DOCK1: variants seen among roughly 807,000 people sequenced by gnomAD.
DOCK1 encodes the protein dedicator of cytokinesis protein 1.
In DOCK1, 138 loss-of-function variants were observed where a neutral mutation model predicts 262.7. The observed-to-expected ratio is 0.53, with a 90% confidence interval of 0.46 to 0.61. The LOEUF (loss-of-function observed/expected upper bound fraction) is 0.61, where lower values mean the gene tolerates loss of function less well. Ranked by LOEUF, DOCK1 falls within the 20% of genes least tolerant of loss-of-function variation. The probability of loss-of-function intolerance (pLI) is 0.00; values close to 1 mark genes in which losing one functional copy is unlikely to be tolerated. For missense variants in DOCK1, 1,908 were observed against 2,370.7 expected, an observed-to-expected ratio of 0.80 and a Z score of 4.05; for synonymous variants, 866 against 867.4, an observed-to-expected ratio of 1.00 and a Z score of 0.03.
intron 23 of DOCK1, among the ~76,000 whole-genome samples, chr10:127,095,321 C>G (rs1270712380): frequency 6.6e-6 from 1 of 152,208 alleles, no homozygotes; most frequent in African/African-American, 2.4e-5. Flanking sequence ...GGCTTCTACT[C>G]TGACCCTTCC....
At chr10:126,998,329 A>C in intron 8 of DOCK1, 80 bp downstream of exon 8, 1 of 1,573,832 alleles carries the variant, frequency 6.4e-7, no homozygotes, top group Non-Finnish European at 8.7e-7. Flanking sequence ...GAAGCGTCCC[A>C]TTCATGCTGA....
At chr10:127,066,266 GTCTTC>G (rs2045867299) in intron 23 of DOCK1, among the ~76,000 whole-genome samples, 1 of 145,818 alleles carries the variant, frequency 6.9e-6, no homozygotes, top group South Asian at 2.4e-4. Context: ...CCCTTCTGCT[GTCTTC>G]TCTTCTCTGT....
At chr10:127,151,799 C>T (rs369035430) in intron 27 of DOCK1, among the ~76,000 whole-genome samples, 1 of 152,296 alleles carries the variant, frequency 6.6e-6, no homozygotes, top group East Asian at 1.9e-4. Context: ...GTTCTTCTAG[C>T]AAGTGGACCA....
At chr10:127,026,450 C>T (rs995692108) in intron 16 of DOCK1, 26 bp downstream of exon 16, 5 of 1,561,580 alleles carry the variant, frequency 3.2e-6, no homozygotes, top group Non-Finnish European at 4.3e-6. Flanking sequence ...CTTTCTTCCC[C>T]CAAGTATTTT....
At chr10:126,917,784 T>G (rs1293904376) in intron 1 of DOCK1, among the ~76,000 whole-genome samples, 1 of 150,638 alleles carries the variant, frequency 6.6e-6, no homozygotes, top group East Asian at 2.0e-4. Context: ...AGGAGGAGAG[T>G]GGGGAGGAGA....
chr10:126,982,143 T>C (rs952198960), intron 4 of DOCK1, among the ~76,000 whole-genome samples, 170 bp downstream of exon 4: 2 of 152,156 alleles, frequency 1.3e-5, no homozygotes, highest in Non-Finnish European at 2.9e-5. Context: ...GAGTTGTGTT[T>C]AACATGGCTT....
intron 23 of DOCK1, among the ~76,000 whole-genome samples, chr10:127,102,967 C>A (rs2048335223): frequency 6.6e-6 from 1 of 152,214 alleles, no homozygotes; most frequent in Non-Finnish European, 1.5e-5. Flanking sequence ...ATTCCCCTGC[C>A]CGCTTCCCCA....
intron 30 of DOCK1, among the ~76,000 whole-genome samples, chr10:127,339,504 G>A (rs560168209): frequency 4.3e-4 from 66 of 152,166 alleles, no homozygotes; most frequent in African/African-American, 1.5e-3. Context: ...ATCCTCTCTC[G>A]GCCTTGTGCT....
At chr10:127,418,876 C>T (rs1266444533) in intron 45 of DOCK1, among the ~76,000 whole-genome samples, 1 of 152,182 alleles carries the variant, frequency 6.6e-6, no homozygotes, top group Non-Finnish European at 1.5e-5. Context: ...ACAAAAACAC[C>T]AGAATATCAG....
intron 23 of DOCK1, among the ~76,000 whole-genome samples, chr10:127,093,257 T>TC (rs2047686926): frequency 8.0e-6 from 1 of 124,682 alleles, no homozygotes; most frequent in African/African-American, 3.3e-5. Context: ...TTTTTTTTTT[T>TC]TTTTTGGAGA....
chr10:127,198,540 A>C (rs1270669940), intron 27 of DOCK1, among the ~76,000 whole-genome samples: 1 of 152,212 alleles, frequency 6.6e-6, no homozygotes, highest in East Asian at 1.9e-4. Flanking sequence ...AACAGCTCCA[A>C]GGACAGTGCT....
rs1400361395 is a variant in DOCK1, at chr10:126,938,836, G to A, written c.47-31866G>A. Among the ~76,000 whole-genome samples the A allele has an allele frequency of 4.8e-3, 601 of 126,002 alleles. 6 individuals are homozygous for A. Among genetic ancestry groups the A allele is most frequent in the African/African-American group, 0.02 (575 of 28,844 alleles). 82.7% of individuals were successfully genotyped at this position (126,002 alleles called of 152,430 possible). On this transcript the variant is annotated intron_variant, in intron 1 of 51. Coordinates refer to ENST00000623213, the MANE Select transcript of DOCK1 (RefSeq NM_001290223.2). ...ATGAACACAGGAGGGGACGAACACA[G>A]GAGGGGATGAACACCAGAGGGGATG...
chr10:127,277,112 G>A (rs932394177), intron 29 of DOCK1, among the ~76,000 whole-genome samples: 8 of 152,140 alleles, frequency 5.3e-5, no homozygotes, highest in Non-Finnish European at 7.3e-5. Context: ...ACTGGTAAAC[G>A]CTCAGTTTCC....
At chr10:127,110,189 A>G (rs2048780038) in intron 24 of DOCK1, 59 bp from the exon 25 acceptor site, 1 of 1,414,936 alleles carries the variant, frequency 7.1e-7, no homozygotes, top group African/African-American at 1.4e-5. Context: ...GTATTGTAAC[A>G]ACATTGGATC....
chr10:127,059,811 C>A (rs1389420698), intron 22 of DOCK1, among the ~76,000 whole-genome samples: 3 of 152,020 alleles, frequency 2.0e-5, no homozygotes, highest in African/African-American at 7.2e-5. Flanking sequence ...TTTCCTCTTT[C>A]ACTTGGACTG....
At chr10:127,136,188 T>G (rs77150314) in intron 27 of DOCK1, 2 of 151,488 alleles carry the variant, frequency 1.3e-5, no homozygotes, top group Non-Finnish European at 2.9e-5. Context: ...ATACTCTTCA[T>G]TTTTTTTTCA....
At chr10:126,942,251 C>G (rs902104951) in intron 1 of DOCK1, among the ~76,000 whole-genome samples, 24 of 152,294 alleles carry the variant, frequency 1.6e-4, no homozygotes, top group African/African-American at 5.8e-4. Context: ...TCTCGATCTC[C>G]TGACCTCGTG....
chr10:127,306,782 AC>A (rs2061893320), intron 29 of DOCK1, among the ~76,000 whole-genome samples: 1 of 152,140 alleles, frequency 6.6e-6, no homozygotes, highest in African/African-American at 2.4e-5. Context: ...CTATTATGAA[AC>A]TAAACCAAAC....
intron 29 of DOCK1, among the ~76,000 whole-genome samples, chr10:127,260,632 CGT>C (rs552279558): frequency 7.1e-4 from 78 of 110,454 alleles, no homozygotes; most frequent in Non-Finnish European, 1.3e-3. Flanking sequence ...TGTGGGTGTG[CGT>C]GTGTGTACCC....
Sources: gnomAD v4.1 joint callset for allele counts (sites outside exome capture counted in the v4.1 genomes callset) on GRCh38, gnomAD v4.1.1 for gene constraint, MANE v1.5 for transcripts, NCBI Gene and HGNC (gene_info 2026-07-23, HGNC 2026-07-21) for gene names.